The following ELP4 variants were observed in gnomAD, a reference collection of about 807,000 sequenced individuals.
The protein encoded by ELP4 is elongator acetyltransferase complex subunit 4, also known as elongator complex protein 4.
In ELP4, 51 loss-of-function variants were observed where a neutral mutation model predicts 48.9. That is an observed-to-expected ratio of 1.04 (90% CI 0.83 to 1.32). The LOEUF (loss-of-function observed/expected upper bound fraction) is 1.32. Ranked by LOEUF, ELP4 falls within the 40% of genes most tolerant of loss-of-function variation. The pLI, the probability that ELP4 is intolerant of heterozygous loss-of-function variation, is 0.00. For synonymous variants in ELP4, 210 were observed against 189.2 expected, an observed-to-expected ratio of 1.11 and a Z score of -0.90; for missense variants, 519 against 514.6, an observed-to-expected ratio of 1.01 and a Z score of -0.08.
chr11:31,655,455 A>G (rs1283612787), intron 9 of ELP4, among the ~76,000 whole-genome samples: 1 of 152,006 alleles, frequency 6.6e-6, no homozygotes, highest in Non-Finnish European at 1.5e-5. Flanking sequence ...TGGGCCAATT[A>G]GTGAACCCCA....
At chr11:31,685,498 A>G (rs1474795057) in intron 9 of ELP4, among the ~76,000 whole-genome samples, 1 of 152,248 alleles carries the variant, frequency 6.6e-6, no homozygotes, top group Non-Finnish European at 1.5e-5. Flanking sequence ...CAATAGTGCA[A>G]TTACTTCAAG....
intron 3 of ELP4, among the ~76,000 whole-genome samples, 182 bp from the exon 4 acceptor site, chr11:31,594,588 G>A (rs1232821329): frequency 6.6e-6 from 1 of 151,978 alleles, no homozygotes; most frequent in Admixed American, 6.6e-5. Context: ...AAACTTAAAT[G>A]TTTGTATTAT....
intron 3 of ELP4, among the ~76,000 whole-genome samples, chr11:31,559,624 C>T (rs377084055): frequency 6.6e-6 from 1 of 152,126 alleles, no homozygotes; most frequent in African/African-American, 2.4e-5. Context: ...CAGTTTTGGG[C>T]CGGGAGCGGC....
intron 3 of ELP4, among the ~76,000 whole-genome samples, chr11:31,584,046 A>G (rs1957433807): frequency 6.6e-6 from 1 of 152,194 alleles, no homozygotes; most frequent in African/African-American, 2.4e-5. Context: ...AACTGAGATT[A>G]ACAAACTAAT....
chr11:31,783,501 G>A lies in ELP4; in HGVS notation c.1252G>A (p.Gly418Ser). Residue 418 changes from glycine (G) to serine (S), a missense_variant, in exon 10 of 10, where the codon GGC becomes AGC. By Grantham distance (56) the Gly-to-Ser change is moderately conservative (BLOSUM62 0). Coordinates refer to ENST00000640961, the MANE Select transcript of ELP4 (RefSeq NM_019040.5). ...LGPGCGMMAG[G>S]KKHLDF ...CCCAGGCTGTGGCATGATGGCCGGA[G>A]GCAAGAAGCACCTGGACTTCTAGGG... 1 of 1,614,046 alleles carries A rather than the reference G, an allele frequency of 6.2e-7. No homozygotes were observed.
intron 9 of ELP4, among the ~76,000 whole-genome samples, chr11:31,748,434 G>A (rs1281553636): frequency 2.6e-5 from 4 of 151,694 alleles, no homozygotes; most frequent in South Asian, 2.1e-4. Context: ...TAGTAGAGAC[G>A]GGGTTTCACC....
At chr11:31,536,413 G>A (rs531686835) in intron 2 of ELP4, among the ~76,000 whole-genome samples, 12 of 152,182 alleles carry the variant, frequency 7.9e-5, no homozygotes, top group African/African-American at 2.4e-4. Context: ...GTGCAGTGGC[G>A]TAATCTCGGC....
intron 3 of ELP4, among the ~76,000 whole-genome samples, chr11:31,583,819 G>A (rs1214225598): frequency 1.3e-5 from 2 of 152,158 alleles, no homozygotes; most frequent in Non-Finnish European, 2.9e-5. Flanking sequence ...TTTCTGTGGT[G>A]TTGGAAATGT....
chr11:31,675,275 T>A (rs1468175252), intron 9 of ELP4, among the ~76,000 whole-genome samples: 1 of 152,052 alleles, frequency 6.6e-6, no homozygotes, highest in African/African-American at 2.4e-5. Flanking sequence ...AATCTTTTTT[T>A]TTTTTTGAGA....
intron 9 of ELP4, chr11:31,719,563 G>A (rs1946914080): frequency 2.5e-6 from 1 of 397,828 alleles, no homozygotes; most frequent in African/African-American, 2.1e-5. Flanking sequence ...AGATCTGAAA[G>A]CCACAAGTAT....
chr11:31,771,796 A>T (rs189542516), intron 9 of ELP4, among the ~76,000 whole-genome samples: 6 of 152,150 alleles, frequency 3.9e-5, no homozygotes, highest in South Asian at 2.1e-4. Context: ...TGGCTAACAC[A>T]GTGAAACCCT....
intron 9 of ELP4, among the ~76,000 whole-genome samples, chr11:31,659,851 G>C (rs1193538880): frequency 2.0e-5 from 3 of 151,954 alleles, no homozygotes; most frequent in African/African-American, 7.2e-5. Context: ...AATTAGCTGG[G>C]CGTGGTGGCA....
At chr11:31,778,916 T>C (rs1046569265) in intron 9 of ELP4, among the ~76,000 whole-genome samples, 3 of 152,216 alleles carry the variant, frequency 2.0e-5, no homozygotes, top group Admixed American at 6.5e-5. Flanking sequence ...GAGGTCTCAC[T>C]GTATTTTATT....
chr11:31,700,121 G>A (rs1400144607), intron 9 of ELP4, among the ~76,000 whole-genome samples: 2 of 152,016 alleles, frequency 1.3e-5, no homozygotes, highest in Non-Finnish European at 2.9e-5. Context: ...AAGTACTGGA[G>A]TATTTAGGGT....
intron 9 of ELP4, among the ~76,000 whole-genome samples, chr11:31,766,294 A>C (rs75428068): frequency 1.1e-3 from 160 of 152,228 alleles, no homozygotes; most frequent in African/African-American, 3.7e-3. Context: ...TGATAAAGTA[A>C]TAGTAACTAA....
At chr11:31,558,438 C>T (rs566889671) in intron 3 of ELP4, among the ~76,000 whole-genome samples, 2 of 152,266 alleles carry the variant, frequency 1.3e-5, no homozygotes, top group East Asian at 1.9e-4. Context: ...TTAATATAAA[C>T]ACATTTAGCA....
intron 9 of ELP4, among the ~76,000 whole-genome samples, chr11:31,661,057 A>T (rs570005072): frequency 1.3e-5 from 2 of 152,088 alleles, no homozygotes; most frequent in South Asian, 4.1e-4. Flanking sequence ...AAGAAATTTT[A>T]AAAATATAAT....
At chr11:31,617,791 G>A (rs924042865) in intron 5 of ELP4, among the ~76,000 whole-genome samples, 2 of 149,436 alleles carry the variant, frequency 1.3e-5, no homozygotes, top group African/African-American at 4.9e-5. Flanking sequence ...CATCCTCTAG[G>A]ATAGCTAGAA....
intron 2 of ELP4, among the ~76,000 whole-genome samples, chr11:31,527,558 CT>C (rs1008986627): frequency 1.6e-4 from 25 of 152,016 alleles, no homozygotes; most frequent in African/African-American, 6.0e-4. Flanking sequence ...GAGTGATACG[CT>C]TGTCTCTCAT....
Sources: allele counts gnomAD v4.1 joint callset (sites outside exome capture counted in the v4.1 genomes callset), GRCh38; gene constraint gnomAD v4.1.1; transcripts MANE v1.5; gene names NCBI Gene and HGNC (gene_info 2026-07-23, HGNC 2026-07-21).